The following NUMB variants were observed in gnomAD, a reference collection of about 807,000 sequenced individuals.
NUMB encodes NUMB endocytic adaptor protein.
A neutral mutation model predicts 59.7 loss-of-function variants in NUMB; 29 were observed. The observed-to-expected ratio is 0.49, with a 90% confidence interval of 0.36 to 0.66. NUMB has a LOEUF of 0.66. Ranked by LOEUF, NUMB falls within the 30% of genes least tolerant of loss-of-function variation. NUMB has a pLI of 0.00. For synonymous variants in NUMB, 288 were observed against 288.2 expected (o/e 1.00, Z 0.01); for missense variants, 723 against 822.0 (o/e 0.88, Z 1.47).
At chr14:73,333,239 A>G (rs8003277) in intron 4 of NUMB, among the ~76,000 whole-genome samples, 4,990 of 152,208 alleles carry the variant, frequency 0.033, 313 homozygotes, top group African/African-American at 0.11. Flanking sequence ...ATCCTTGCCA[A>G]CACTTGTTGT....
Position 73,276,528 on chromosome 14 carries a change from C to G in NUMB, c.*50G>C, listed in dbSNP as rs45624841. On this transcript the variant is annotated 3_prime_UTR_variant, in exon 13 of 13. Transcript: ENST00000555238. Reference sequence around the variant, plus strand: ...GTCTGTTTTGCTCCTTTGACCGCTACCCCCTGCTCCCTGTCTGGTATGGAC... The same window carrying G: ...GTCTGTTTTGCTCCTTTGACCGCTAGCCCCTGCTCCCTGTCTGGTATGGAC... 6.9e-7 allele frequency: 1 copy of G among 1,451,054 alleles called. No individual in the cohort carries two copies. Among genetic ancestry groups the G allele is most frequent in the Admixed American group, 1.8e-5 (1 of 54,312 alleles). 89.9% of individuals were successfully genotyped at this position (1,451,054 alleles called of 1,614,324 possible).
intron 4 of NUMB, among the ~76,000 whole-genome samples, chr14:73,328,424 A>C (rs1007418462): frequency 3.3e-5 from 5 of 152,172 alleles, no homozygotes; most frequent in African/African-American, 1.2e-4. Context: ...GATAATAAAT[A>C]AAGCCATACT....
At chr14:73,438,876 C>T (rs978956544) in intron 1 of NUMB, among the ~76,000 whole-genome samples, 1 of 151,912 alleles carries the variant, frequency 6.6e-6, no homozygotes, top group Non-Finnish European at 1.5e-5. Context: ...AAGTGATATC[C>T]CTCACTAAGT....
chr14:73,399,654 T>TA (rs1247361647), intron 2 of NUMB, among the ~76,000 whole-genome samples: 1 of 152,082 alleles, frequency 6.6e-6, no homozygotes, highest in Non-Finnish European at 1.5e-5. Context: ...GAGGCTAAAC[T>TA]AGGAGGACTG....
At chr14:73,288,256 T>TA (rs1189396633) in intron 8 of NUMB, among the ~76,000 whole-genome samples, 2 of 149,558 alleles carry the variant, frequency 1.3e-5, no homozygotes, top group African/African-American at 4.9e-5. Flanking sequence ...TCTACCAAAA[T>TA]AATAAAAAAA....
At chr14:73,320,704 A>T (rs1891355636) in intron 5 of NUMB, among the ~76,000 whole-genome samples, 1 of 152,142 alleles carries the variant, frequency 6.6e-6, no homozygotes, top group African/African-American at 2.4e-5. Flanking sequence ...TTCATTCTAG[A>T]AGTATTTTTT....
At chr14:73,351,704 C>T (rs1003356861) in intron 4 of NUMB, among the ~76,000 whole-genome samples, 14 of 152,010 alleles carry the variant, frequency 9.2e-5, no homozygotes, top group African/African-American at 2.7e-4. Flanking sequence ...GGGCCAGGCG[C>T]GGTGGCTCAC....
intron 4 of NUMB, among the ~76,000 whole-genome samples, chr14:73,336,308 T>A (rs1051899509): frequency 3.3e-5 from 5 of 152,346 alleles, no homozygotes; most frequent in Non-Finnish European, 5.9e-5. Context: ...AAAGAGAAGA[T>A]GACAGAATTG....
intron 12 of NUMB, among the ~76,000 whole-genome samples, chr14:73,277,922 G>A (rs561391310): frequency 6.6e-6 from 1 of 151,906 alleles, no homozygotes; most frequent in African/African-American, 2.4e-5. Flanking sequence ...GCTGGGCGTG[G>A]TGGTATGCAT....
intron 6 of NUMB, among the ~76,000 whole-genome samples, chr14:73,309,789 A>G (rs534105839): frequency 6.7e-6 from 1 of 150,212 alleles, no homozygotes; most frequent in South Asian, 2.1e-4. Flanking sequence ...ATAAGCACTA[A>G]GTACAAGTTG....
chr14:73,289,199 A>G (rs1223068779), intron 8 of NUMB, among the ~76,000 whole-genome samples: 1 of 109,770 alleles, frequency 9.1e-6, no homozygotes, highest in Non-Finnish European at 2.5e-5. Flanking sequence ...CCTCCCAACC[A>G]AACACAGGCA....
chr14:73,380,056 C>A (rs533648543), intron 2 of NUMB, among the ~76,000 whole-genome samples: 1 of 152,202 alleles, frequency 6.6e-6, no homozygotes, highest in East Asian at 1.9e-4. Flanking sequence ...ATAGCTTGGA[C>A]CAGAGTGACA....
At chr14:73,406,485 A>G (rs1438133756) in intron 2 of NUMB, among the ~76,000 whole-genome samples, 2 of 151,986 alleles carry the variant, frequency 1.3e-5, no homozygotes, top group Non-Finnish European at 2.9e-5. Flanking sequence ...TTCTTAATCC[A>G]GTCTATCATT....
chr14:73,435,296 CAG>C (rs1440749636), intron 1 of NUMB, among the ~76,000 whole-genome samples: 2 of 122,480 alleles, frequency 1.6e-5, no homozygotes, highest in East Asian at 4.5e-4. Context: ...TTTTTTGAGA[CAG>C]AGTCTCACTC....
intron 2 of NUMB, among the ~76,000 whole-genome samples, chr14:73,382,627 C>T (rs1030507151): frequency 1.3e-5 from 2 of 152,042 alleles, no homozygotes; most frequent in Non-Finnish European, 2.9e-5. Flanking sequence ...AAAACAAAGC[C>T]TCAGATCATC....
chr14:73,302,756 A>AT (rs1409881721), intron 6 of NUMB, among the ~76,000 whole-genome samples: 1 of 152,090 alleles, frequency 6.6e-6, no homozygotes, highest in East Asian at 1.9e-4. Context: ...CATTCTGACC[A>AT]TATAAACTAA....
chr14:73,306,078 A>G (rs578173274), intron 6 of NUMB, among the ~76,000 whole-genome samples: 64 of 152,352 alleles, frequency 4.2e-4, no homozygotes, highest in Admixed American at 3.3e-3. Flanking sequence ...CAAAGCAGTG[A>G]AAGGACAGAA....
In NUMB at chr14:73,276,635, G is replaced by A. The variant is rs1230832781; in HGVS notation, c.1899C>T (p.Pro633=). 2 of 1,614,204 alleles carry A rather than the reference G, an allele frequency of 1.2e-6. No homozygotes were observed. Among genetic ancestry groups the A allele is most frequent in the Admixed American group, 1.7e-5 (1 of 60,020 alleles). Reference sequence around the variant, plus strand: ...CACTGGAGAAAGGGTTGGTAGGGGAGGGATTAGTACGCTGCTTGGACTTAT... The same window carrying A: ...CACTGGAGAAAGGGTTGGTAGGGGAAGGATTAGTACGCTGCTTGGACTTAT... The part of the protein sequence containing the change: ...LENKSKQRTN[P]SPTNPFSSDL... The change falls in exon 13 of 13, where the codon CCC becomes CCT. Residue 633 remains proline, a synonymous_variant. Transcript: ENST00000555238.
At chr14:73,308,991 A>C (rs1890617502) in intron 6 of NUMB, among the ~76,000 whole-genome samples, 1 of 152,230 alleles carries the variant, frequency 6.6e-6, no homozygotes, top group Non-Finnish European at 1.5e-5. Flanking sequence ...GGTACCAAGA[A>C]GAAACCTTTT....
Sources: gnomAD v4.1 joint callset for allele counts (sites outside exome capture counted in the v4.1 genomes callset) on GRCh38, gnomAD v4.1.1 for gene constraint, MANE v1.5 for transcripts, NCBI Gene and HGNC (gene_info 2026-07-23, HGNC 2026-07-21) for gene names.